Variants in DOCK3 observed in about 807,000 individuals in gnomAD.
The protein encoded by DOCK3 is dedicator of cytokinesis 3, also known as dedicator of cytokinesis protein 3.
A neutral mutation model predicts 265.6 loss-of-function variants in DOCK3; 60 were observed. That is an observed-to-expected ratio of 0.23 (90% confidence interval 0.18 to 0.28). DOCK3 has a LOEUF of 0.28. Ranked by LOEUF, DOCK3 falls within the 10% of genes least tolerant of loss-of-function variation. The pLI, the probability that DOCK3 is intolerant of heterozygous loss-of-function variation, is 1.00. For missense variants in DOCK3, 1,981 were observed against 2,594.3 expected, an observed-to-expected ratio of 0.76 and a Z score of 5.14; for synonymous variants, 881 against 938.0, an observed-to-expected ratio of 0.94 and a Z score of 1.11.
intron 6 of DOCK3, among the ~76,000 whole-genome samples, chr3:51,070,745 C>T (rs950642791): frequency 1.3e-5 from 2 of 152,140 alleles, no homozygotes; most frequent in East Asian, 1.9e-4. Flanking sequence ...CCCTGGGCTG[C>T]GGACCCCTGT....
At chr3:50,899,815 C>G (rs967648705) in intron 4 of DOCK3, among the ~76,000 whole-genome samples, 18 of 152,182 alleles carry the variant, frequency 1.2e-4, no homozygotes, top group African/African-American at 2.9e-4. Flanking sequence ...CTCTACCCCC[C>G]ACTTTCTTCT....
At chr3:50,808,211 A>G (rs2043543161) in intron 2 of DOCK3, among the ~76,000 whole-genome samples, 1 of 151,978 alleles carries the variant, frequency 6.6e-6, no homozygotes, top group Admixed American at 6.5e-5. Flanking sequence ...GATAAAAATT[A>G]AGATCTAAAC....
At chr3:51,000,130 C>A (rs1286416332) in intron 5 of DOCK3, among the ~76,000 whole-genome samples, 1 of 152,134 alleles carries the variant, frequency 6.6e-6, no homozygotes. Flanking sequence ...CCTAATTTCC[C>A]ATGGAATCTT....
At chr3:51,146,878 A>G (rs1276138943) in intron 10 of DOCK3, among the ~76,000 whole-genome samples, 1 of 152,210 alleles carries the variant, frequency 6.6e-6, no homozygotes, top group Admixed American at 6.5e-5. Flanking sequence ...AGATTTTATA[A>G]GCTATTTCAT....
chr3:51,318,131 C>A (rs1474560336), intron 32 of DOCK3, among the ~76,000 whole-genome samples: 2 of 152,142 alleles, frequency 1.3e-5, no homozygotes, highest in South Asian at 2.1e-4. Flanking sequence ...GTAATCCCAG[C>A]ACTTTGGGAG....
rs564252178 is a variant in DOCK3 at position 51,006,668 on chromosome 3, C to T, written c.316-57780C>T. The stretch of plus-strand genomic sequence containing the variant: ...CTTTAAGTTCTAGGGTACACATGCA[C>T]GACGTGCAGGTTTGTTACATATGTA... On this transcript the variant is annotated intron_variant, in intron 5 of 52. Transcript: ENST00000266037. Among the ~76,000 whole-genome samples, 208 of 152,196 alleles carry T rather than the reference C, an allele frequency of 1.4e-3. 1 individual carries two copies. Among genetic ancestry groups the T allele is most frequent in the Non-Finnish European group, 2.4e-3 (160 of 68,014 alleles).
chr3:50,762,213 A>G (rs2040577671), intron 1 of DOCK3, among the ~76,000 whole-genome samples: 1 of 152,058 alleles, frequency 6.6e-6, no homozygotes, highest in Non-Finnish European at 1.5e-5. Flanking sequence ...TATGTCACAA[A>G]CCTGCATGTT....
chr3:50,787,654 CCTCTTGTAGTT>C (rs2042252157), intron 2 of DOCK3: 2 of 1,311,466 alleles, frequency 1.5e-6, no homozygotes, highest in Admixed American at 1.8e-5. Context: ...CTTCCTGCAA[CCTCTTGTAGTT>C]CTGGGAGTAG....
chr3:50,759,889 T>G (rs909121892), intron 1 of DOCK3, among the ~76,000 whole-genome samples: 3 of 151,942 alleles, frequency 2.0e-5, no homozygotes, highest in African/African-American at 7.2e-5. Flanking sequence ...TGTTTGTTGC[T>G]GATCTGTAGG....
At chr3:51,267,507 CCTGA>C (rs1416991685) in intron 23 of DOCK3, among the ~76,000 whole-genome samples, 1 of 151,876 alleles carries the variant, frequency 6.6e-6, no homozygotes, top group Admixed American at 6.6e-5. Flanking sequence ...GCCTCAGCCT[CCTGA>C]CTAGCTGGGA....
intron 27 of DOCK3, among the ~76,000 whole-genome samples, chr3:51,306,903 A>C (rs901396675): frequency 6.6e-6 from 1 of 152,112 alleles, no homozygotes; most frequent in Non-Finnish European, 1.5e-5. Flanking sequence ...CCTCAGGAAA[A>C]GTTTTTATTT....
intron 2 of DOCK3, among the ~76,000 whole-genome samples, chr3:50,810,387 C>G (rs1331254487): frequency 6.6e-6 from 1 of 151,962 alleles, no homozygotes; most frequent in Non-Finnish European, 1.5e-5. Context: ...CCTGTCTCTA[C>G]TAAAAACACA....
intron 3 of DOCK3, among the ~76,000 whole-genome samples, chr3:50,861,468 A>T (rs2046906264): frequency 6.6e-6 from 1 of 152,080 alleles, no homozygotes; most frequent in Admixed American, 6.6e-5. Flanking sequence ...GTTTAATTTA[A>T]GTCCACAGTT....
intron 4 of DOCK3, among the ~76,000 whole-genome samples, chr3:50,921,995 C>T (rs938796339): frequency 6.6e-6 from 1 of 152,164 alleles, no homozygotes; most frequent in Non-Finnish European, 1.5e-5. Context: ...TTAGGCTACT[C>T]AGCGGTAAAG....
intron 1 of DOCK3, among the ~76,000 whole-genome samples, chr3:50,685,128 T>C (rs2034693501): frequency 6.6e-6 from 1 of 152,220 alleles, no homozygotes. Context: ...CTATTATACT[T>C]TGAACATGTT....
chr3:50,812,360 G>A (rs2043810104), intron 2 of DOCK3, among the ~76,000 whole-genome samples: 1 of 152,208 alleles, frequency 6.6e-6, no homozygotes, highest in African/African-American at 2.4e-5. Context: ...ACTCCCATGA[G>A]CTGGCAAAAG....
intron 38 of DOCK3, among the ~76,000 whole-genome samples, chr3:51,344,446 C>T (rs1210571490): frequency 6.6e-6 from 1 of 152,170 alleles, no homozygotes; most frequent in Non-Finnish European, 1.5e-5. Context: ...ATGGTGAAAC[C>T]TCGTCTCTAC....
intron 1 of DOCK3, among the ~76,000 whole-genome samples, chr3:50,749,969 G>A (rs1044992444): frequency 3.3e-5 from 5 of 152,110 alleles, no homozygotes; most frequent in African/African-American, 9.7e-5. Flanking sequence ...CCCCTGGGCC[G>A]CGGACTGGTA....
At chr3:51,077,581 A>G (rs778282057) in intron 7 of DOCK3, among the ~76,000 whole-genome samples, 1 of 152,198 alleles carries the variant, frequency 6.6e-6, no homozygotes, top group Non-Finnish European at 1.5e-5. Flanking sequence ...GTGTTTGTAG[A>G]TAGATTAAAT....
Sources: allele counts gnomAD v4.1 joint callset (sites outside exome capture counted in the v4.1 genomes callset), GRCh38; gene constraint gnomAD v4.1.1; transcripts MANE v1.5; gene names NCBI Gene and HGNC (gene_info 2026-07-23, HGNC 2026-07-21).